Variants in ZNF710 observed in about 807,000 individuals in gnomAD.
ZNF710 encodes zinc finger protein 710.
In ZNF710, 13 loss-of-function variants were observed where a neutral mutation model predicts 50.6. That is an observed-to-expected ratio of 0.26 (90% CI 0.17 to 0.41). The LOEUF (loss-of-function observed/expected upper bound fraction) is 0.41, where lower values mean the gene tolerates loss of function less well. Among genes scored for constraint, ZNF710 ranks in the 10% least tolerant of loss-of-function variants. The probability of loss-of-function intolerance (pLI) is 1.00; values close to 1 mark genes in which losing one functional copy is unlikely to be tolerated. For synonymous variants in ZNF710, 383 were observed against 397.0 expected (o/e 0.96, Z 0.42); for missense variants, 721 against 936.6 (o/e 0.77, Z 3.01).
At position 90,009,395 on chromosome 15, in the gene ZNF710, G is replaced by A. The variant is rs117591183; in HGVS notation, c.-29+7781G>A. Among the ~76,000 whole-genome samples the A allele has an allele frequency of 2.3e-3, 357 of 152,084 alleles. No individual in the cohort carries two copies. The Middle Eastern group carries it at 0.024, about 10-fold the overall frequency. ...CTCACAAGCCATCGCTTCCCATCGT[G>A]GCTCCATTCTGTAGCTGCAAATCAC... On this transcript the variant is annotated intron_variant, in intron 1 of 4. Transcript: ENST00000268154.
In ZNF710 at chr15:90,034,427, C is replaced by CGTGTGT. The variant is rs1280140194; in HGVS notation, c.-28-32683_-28-32682insGTGTGT. 4.4e-4 allele frequency among the ~76,000 whole-genome samples: 50 copies of CGTGTGT among 113,694 alleles called. No individual in the cohort carries two copies. The highest frequency in any genetic ancestry group is 2.7e-4 in the Non-Finnish European group (15 of 55,816). The allele number at this position is 113,694 out of a possible 152,430, so 74.6% of individuals were successfully genotyped here. On this transcript the variant is annotated intron_variant, in intron 1 of 4. Coordinates refer to ENST00000268154, the MANE Select transcript of ZNF710 (RefSeq NM_198526.4). The surrounding 1 kb of genome is among the most constrained non-coding windows in gnomAD (Gnocchi z 4.0). ...CAGCTGTCCTTCCTGTTTCCAAATT[C>CGTGTGT]CTGTGTGTGTGTGTGTGTGTGTGTG...
chr15:90,063,759 C>T (rs776238673), intron 1 of ZNF710, among the ~76,000 whole-genome samples: 2 of 152,144 alleles, frequency 1.3e-5, no homozygotes, highest in South Asian at 2.1e-4. Context: ...CGCTGGCTGA[C>T]GTTTTTGCCC....
At chr15:90,030,040 T>G in intron 1 of ZNF710, among the ~76,000 whole-genome samples, 1 of 151,864 alleles carries the variant, frequency 6.6e-6, no homozygotes, top group Non-Finnish European at 1.5e-5. Context: ...CCATTAGCAT[T>G]AGCTATCGGC....
intron 1 of ZNF710, among the ~76,000 whole-genome samples, chr15:90,055,676 G>A (rs1278218487): frequency 6.6e-6 from 1 of 152,226 alleles, no homozygotes; most frequent in African/African-American, 2.4e-5. Flanking sequence ...CCTGCAGGTG[G>A]GTTGAATGGT....
At chr15:90,027,672 C>T (rs1898818957) in intron 1 of ZNF710, among the ~76,000 whole-genome samples, 1 of 151,860 alleles carries the variant, frequency 6.6e-6, no homozygotes, top group Non-Finnish European at 1.5e-5. Flanking sequence ...GCCAACATGG[C>T]AAAACCCTGT....
chr15:90,067,725 G>C lies in ZNF710; in HGVS notation c.588G>C (p.Arg196=). The part of the protein sequence containing the change: ...PYDPHFPAPA[R]DGFPEPSMAL... ...ACCCTCACTTCCCGGCCCCGGCCCG[G>C]GATGGCTTCCCCGAGCCCAGCATGG... Residue 196 remains arginine, a synonymous_variant, in exon 2 of 5, where the codon CGG becomes CGC. Coordinates refer to ENST00000268154, the MANE Select transcript of ZNF710 (RefSeq NM_198526.4). This position sits in a 1 kb window ranked among gnomAD's most constrained non-coding sequence, Gnocchi z 8.1. 4 of 1,604,600 alleles carry C rather than the reference G, an allele frequency of 2.5e-6. No individual in the cohort carries two copies. Among genetic ancestry groups the C allele is most frequent in the Non-Finnish European group, 3.4e-6 (4 of 1,175,708 alleles).
Position 90,045,303 on chromosome 15 carries a change from T to C in ZNF710, c.-28-21807T>C, listed in dbSNP as rs1376741617. On this transcript the variant is annotated intron_variant, in intron 1 of 4. Transcript: ENST00000268154. ...CAGTGACCTCAGAGCTTGAGCCTGG[T>C]CAACTGGAACAGCAGAAAGAAGGAA... 4 of 984,694 alleles carry C rather than the reference T, an allele frequency of 4.1e-6. No homozygotes were observed. In the East Asian group the frequency reaches 3.4e-4, roughly 84 times the overall value. The allele number at this position is 984,694 out of a possible 1,614,324, so 61.0% of individuals were successfully genotyped here. A position where few individuals can be genotyped will look rare whatever the true frequency, so the allele number is the denominator to read the frequency against.
intron 1 of ZNF710, among the ~76,000 whole-genome samples, chr15:90,042,151 C>G (rs575227962): frequency 6.6e-6 from 1 of 152,254 alleles, no homozygotes; most frequent in South Asian, 2.1e-4. Context: ...CCCGCCTCAG[C>G]CTTCCAAAGT....
chr15:90,035,713 G>A (rs1451243469), intron 1 of ZNF710, among the ~76,000 whole-genome samples: 1 of 152,248 alleles, frequency 6.6e-6, no homozygotes, highest in Admixed American at 6.5e-5. Flanking sequence ...ACAGCGATCA[G>A]CAGCGGAGCC....
intron 1 of ZNF710, among the ~76,000 whole-genome samples, chr15:90,042,516 A>G (rs1277571788): frequency 6.6e-6 from 1 of 151,876 alleles, no homozygotes; most frequent in African/African-American, 2.4e-5. Flanking sequence ...CAATAAACCA[A>G]TCAGTCTTCC....
At chr15:90,075,727 T>C (rs1173392203) in intron 4 of ZNF710, 1 of 152,188 alleles carries the variant, frequency 6.6e-6, no homozygotes, top group Non-Finnish European at 1.5e-5. Flanking sequence ...AACAGGTATC[T>C]CAGTTGTTTT....
intron 4 of ZNF710, 136 bp from the exon 5 acceptor site, chr15:90,079,524 C>A: frequency 9.1e-7 from 1 of 1,099,816 alleles, no homozygotes; most frequent in Non-Finnish European, 1.3e-6. Context: ...GGTGGGAAGG[C>A]TGAGAGGCAG....
chr15:90,010,745 CTT>C (rs1169389208), intron 1 of ZNF710, among the ~76,000 whole-genome samples: 2 of 152,016 alleles, frequency 1.3e-5, no homozygotes, highest in Non-Finnish European at 2.9e-5. Context: ...CTCATATACT[CTT>C]TTTAAAAATT....
intron 1 of ZNF710, among the ~76,000 whole-genome samples, chr15:90,047,708 C>G (rs1172494835): frequency 6.6e-6 from 1 of 151,724 alleles, no homozygotes; most frequent in Admixed American, 6.6e-5. Context: ...CCTCAGCCTC[C>G]GAGTAGCTGG....
At chr15:90,021,938 G>A (rs781248143) in intron 1 of ZNF710, among the ~76,000 whole-genome samples, 13 of 152,138 alleles carry the variant, frequency 8.5e-5, no homozygotes, top group South Asian at 2.1e-4. Flanking sequence ...AAAATTAGCC[G>A]GGCATGGTGG....
intron 1 of ZNF710, among the ~76,000 whole-genome samples, chr15:90,020,294 T>C (rs1336092785): frequency 2.6e-5 from 4 of 152,176 alleles, no homozygotes; most frequent in Non-Finnish European, 5.9e-5. Context: ...GGACCTAGAC[T>C]GGTGCCCACC....
At chr15:90,073,854 G>T (rs1168185761) in intron 3 of ZNF710, among the ~76,000 whole-genome samples, 1 of 152,008 alleles carries the variant, frequency 6.6e-6, no homozygotes, top group Non-Finnish European at 1.5e-5. Context: ...GCTGGGCGTG[G>T]TGGCACGTGC....
chr15:90,065,250 C>T (rs1900129776), intron 1 of ZNF710, among the ~76,000 whole-genome samples: 2 of 152,158 alleles, frequency 1.3e-5, no homozygotes, highest in Non-Finnish European at 2.9e-5. Context: ...GGACGCCTTG[C>T]CCGGAGCCGG....
chr15:90,001,490 G>A lies in ZNF710; in HGVS notation c.-153G>A, dbSNP rs1292409900. 3 of 151,000 alleles carry A rather than the reference G, an allele frequency of 2.0e-5. No individual in the cohort carries two copies. The highest frequency in any genetic ancestry group is 2.0e-4 in the East Asian group (1 of 5,068). The allele number at this position is 151,000 out of a possible 1,614,324, so 9.4% of individuals were successfully genotyped here. A position where few individuals can be genotyped will look rare whatever the true frequency, so the allele number is the denominator to read the frequency against. On this transcript the variant is annotated 5_prime_UTR_variant, in exon 1 of 5. Transcript: ENST00000268154. Reference sequence around the variant, plus strand: ...GGGAGGGCGGCAGGAGCAGGCGGCGGGCGCGCGTGGAGGCGGGCGGCGGGC... The same window carrying A: ...GGGAGGGCGGCAGGAGCAGGCGGCGAGCGCGCGTGGAGGCGGGCGGCGGGC...
Sources: gnomAD v4.1 joint callset for allele counts (sites outside exome capture counted in the v4.1 genomes callset) on GRCh38, gnomAD v4.1.1 for gene constraint, Gnocchi (gnomAD v3.1) non-coding constraint, MANE v1.5 for transcripts, NCBI Gene and HGNC (gene_info 2026-07-23, HGNC 2026-07-21) for gene names.